The following DNAI4 variants were observed in gnomAD, a reference collection of about 807,000 sequenced individuals.
The protein encoded by DNAI4 is WD repeat domain 78.
Under a neutral mutation model 105.8 loss-of-function variants are expected in DNAI4, and 85 were observed. The observed-to-expected ratio is 0.80, with a 90% CI of 0.67 to 0.96. DNAI4 has a LOEUF of 0.96. Among genes scored for constraint, DNAI4 ranks in the 40% least tolerant of loss-of-function variants. DNAI4 has a pLI of 0.00. For missense variants in DNAI4, 1,014 were observed against 1,005.6 expected (o/e 1.01, Z -0.11); for synonymous variants, 352 against 331.5 (o/e 1.06, Z -0.67).
At chr1:66,841,725 G>T (rs551190953) in intron 8 of DNAI4, among the ~76,000 whole-genome samples, 2 of 152,220 alleles carry the variant, frequency 1.3e-5, no homozygotes, top group South Asian at 4.2e-4. Context: ...GAGAAATGTG[G>T]TGGGTATCAA....
intron 3 of DNAI4, 124 bp downstream of exon 3, chr1:66,893,105 G>GAAAGAAAGAAAGAAAT (rs1647975682): frequency 8.6e-6 from 4 of 466,646 alleles, no homozygotes; most frequent in African/African-American, 2.1e-5. Flanking sequence ...AAGAAAGAAA[G>GAAAGAAAGAAAGAAAT]AAAGAAAGAA....
chr1:66,884,425 A>G (rs907580169), intron 4 of DNAI4, among the ~76,000 whole-genome samples: 4 of 152,228 alleles, frequency 2.6e-5, no homozygotes, highest in African/African-American at 9.6e-5. Context: ...ACTAATTTAT[A>G]TTCCCATCAA....
rs1306551520 is a variant in DNAI4, at chr1:66,826,964, C to A, written c.2195G>T (p.Trp732Leu). ...AGATGGCTTGACATTCTCCTGTTGC[C>A]ATATAATAACACCCCAATCTGCAGA... is the stretch of plus-strand genomic sequence containing the variant. ...SCSADWGVII[W>L]QQENVKPSLS... Residue 732 changes from tryptophan to leucine, a missense_variant, in exon 15 of 17, where the codon TGG becomes TTG. Coordinates refer to ENST00000371026, the MANE Select transcript of DNAI4 (RefSeq NM_024763.5). 1 of 1,614,002 alleles carries A rather than the reference C, an allele frequency of 6.2e-7. No individual in the cohort carries two copies. The highest frequency in any genetic ancestry group is 8.5e-7 in the Non-Finnish European group (1 of 1,180,006).
chr1:66,908,561 C>A (rs1335395310), intron 1 of DNAI4, among the ~76,000 whole-genome samples: 1 of 152,192 alleles, frequency 6.6e-6, no homozygotes, highest in African/African-American at 2.4e-5. Context: ...TGGGCCCCCT[C>A]TTCCTTGGAA....
At chr1:66,841,881 A>G (rs140634785) in intron 8 of DNAI4, among the ~76,000 whole-genome samples, 43 of 152,332 alleles carry the variant, frequency 2.8e-4, no homozygotes, top group African/African-American at 1.0e-3. Flanking sequence ...ACAGTATTGT[A>G]TATTCTATAA....
At position 66,813,905 on chromosome 1, in the gene DNAI4, T is replaced by C. The variant is rs1645460604; in HGVS notation, c.*225A>G. On this transcript the variant is annotated 3_prime_UTR_variant, in exon 17 of 17. Coordinates refer to ENST00000371026, the MANE Select transcript of DNAI4 (RefSeq NM_024763.5). Reference sequence around the variant, plus strand: ...ATGATCAAGAGAGTAGGAATATCTTTAGAAAAATTAAGAAAATTCCACTGA... The same window carrying C: ...ATGATCAAGAGAGTAGGAATATCTTCAGAAAAATTAAGAAAATTCCACTGA... The C allele has an allele frequency of 2.3e-6, 1 of 430,940 alleles. No individual in the cohort carries two copies. Among genetic ancestry groups the C allele is most frequent in the South Asian group, 4.6e-5 (1 of 21,944 alleles). The allele number at this position is 430,940 out of a possible 1,614,324, so 26.7% of individuals were successfully genotyped here.
At chr1:66,906,319 C>A (rs1649245152) in intron 1 of DNAI4, among the ~76,000 whole-genome samples, 1 of 152,010 alleles carries the variant, frequency 6.6e-6, no homozygotes, top group African/African-American at 2.4e-5. Context: ...CAAGGACTTA[C>A]CTTATCATTT....
intron 9 of DNAI4, among the ~76,000 whole-genome samples, chr1:66,840,137 G>A (rs974974097): frequency 6.6e-6 from 1 of 151,992 alleles, no homozygotes; most frequent in Non-Finnish European, 1.5e-5. Context: ...TTTGGTATAC[G>A]TTGAATAAAT....
intron 10 of DNAI4, 55 bp from the exon 11 acceptor site, chr1:66,835,832 G>C: frequency 6.6e-7 from 1 of 1,512,596 alleles, no homozygotes; most frequent in Non-Finnish European, 9.2e-7. Context: ...CAGTAAGGCA[G>C]AATATAATGG....
intron 16 of DNAI4, among the ~76,000 whole-genome samples, chr1:66,816,215 CT>C (rs1467321890): frequency 3.3e-5 from 5 of 152,008 alleles, no homozygotes; most frequent in Admixed American, 6.6e-5. Flanking sequence ...AAAAGTGATA[CT>C]AACCAGAGTC....
At chr1:66,829,449 TA>T (rs200188819) in intron 13 of DNAI4, among the ~76,000 whole-genome samples, 1 of 151,654 alleles carries the variant, frequency 6.6e-6, no homozygotes, top group Non-Finnish European at 1.5e-5. Context: ...GATTTCAGAG[TA>T]AAAAAAATCA....
intron 7 of DNAI4, among the ~76,000 whole-genome samples, chr1:66,855,435 A>T (rs1646480830): frequency 6.6e-6 from 1 of 152,236 alleles, no homozygotes; most frequent in Non-Finnish European, 1.5e-5. Context: ...GCCATACCTC[A>T]ATAAGAACAA....
chr1:66,841,746 T>C (rs1046286400), intron 8 of DNAI4, among the ~76,000 whole-genome samples: 1 of 152,200 alleles, frequency 6.6e-6, no homozygotes, highest in Non-Finnish European at 1.5e-5. Context: ...CATCCCTCCA[T>C]ATTTCAAGTC....
intron 16 of DNAI4, among the ~76,000 whole-genome samples, chr1:66,817,800 G>A (rs572782586): frequency 6.6e-6 from 1 of 152,226 alleles, no homozygotes; most frequent in East Asian, 1.9e-4. Flanking sequence ...TACAATTTAG[G>A]AGACATGGAC....
intron 7 of DNAI4, 63 bp from the exon 8 acceptor site, chr1:66,847,741 G>A: frequency 7.8e-7 from 1 of 1,277,954 alleles, no homozygotes; most frequent in South Asian, 1.5e-5. Flanking sequence ...ACATTCTAAA[G>A]ATTTTAAAAA....
chr1:66,860,250 T>G (rs1646596023), intron 7 of DNAI4, among the ~76,000 whole-genome samples: 1 of 152,120 alleles, frequency 6.6e-6, no homozygotes, highest in East Asian at 1.9e-4. Context: ...CAAATATTAT[T>G]GGACGTTTTC....
intron 5 of DNAI4, 70 bp downstream of exon 5, chr1:66,874,711 A>G: frequency 6.6e-7 from 1 of 1,510,124 alleles, no homozygotes; most frequent in Non-Finnish European, 8.9e-7. Context: ...CCTTCACAGA[A>G]ACAAGGATAA....
Position 66,893,321 on chromosome 1 carries a change from T to A in DNAI4, c.438A>T (p.Thr146=), listed in dbSNP as rs750759390. 3 of 1,610,806 alleles carry A rather than the reference T, an allele frequency of 1.9e-6. No individual in the cohort carries two copies. Among genetic ancestry groups the A allele is most frequent in the Non-Finnish European group, 2.5e-6 (3 of 1,178,246 alleles). Residue 146 remains threonine (T), a synonymous_variant, in exon 3 of 17, where the codon ACA becomes ACT. Coordinates refer to ENST00000371026, the MANE Select transcript of DNAI4 (RefSeq NM_024763.5). ...TGTAKPSKLL[T]SQEGSLGSEF... Reference sequence around the variant, plus strand: ...CTGATCCAAGTGATCCTTCTTGTGATGTCAAGAGTTTACTTGGTTTTGCTG... The same window carrying A: ...CTGATCCAAGTGATCCTTCTTGTGAAGTCAAGAGTTTACTTGGTTTTGCTG...
At chr1:66,873,939 T>C (rs1335547863) in intron 5 of DNAI4, among the ~76,000 whole-genome samples, 1 of 149,502 alleles carries the variant, frequency 6.7e-6, no homozygotes, top group Non-Finnish European at 1.5e-5. Flanking sequence ...TGATCTAACA[T>C]GTACTATGTT....
Sources: gnomAD v4.1 joint callset for allele counts (sites outside exome capture counted in the v4.1 genomes callset) on GRCh38, gnomAD v4.1.1 for gene constraint, MANE v1.5 for transcripts, NCBI Gene and HGNC (gene_info 2026-07-23, HGNC 2026-07-21) for gene names.